The following THEMIS variants were observed in gnomAD, a reference collection of about 807,000 sequenced individuals.
THEMIS encodes thymocyte selection associated, also known as protein THEMIS.
THEMIS carries 37 observed loss-of-function variants against 52.6 expected under a neutral mutation model. The observed-to-expected ratio is 0.70, with a 90% CI of 0.54 to 0.93. THEMIS has a LOEUF of 0.93. Ranked by LOEUF, THEMIS falls within the 40% of genes least tolerant of loss-of-function variation. The pLI, the probability that THEMIS is intolerant of heterozygous loss-of-function variation, is 0.00. For missense variants in THEMIS, 808 were observed against 763.1 expected (o/e 1.06, Z -0.69); for synonymous variants, 292 against 272.7 (o/e 1.07, Z -0.70).
At chr6:127,841,851 G>T (rs1005208160) in intron 2 of THEMIS, among the ~76,000 whole-genome samples, 25 of 152,136 alleles carry the variant, frequency 1.6e-4, no homozygotes, top group African/African-American at 3.4e-4. Context: ...AAAAGATGTT[G>T]TAAGGTAGAC....
At chr6:127,870,056 C>T (rs1196862493) in intron 1 of THEMIS, among the ~76,000 whole-genome samples, 1 of 152,102 alleles carries the variant, frequency 6.6e-6, no homozygotes, top group Non-Finnish European at 1.5e-5. Context: ...ATAACAGTTC[C>T]CCAACCCCTG....
chr6:127,719,618 G>T, intron 5 of THEMIS, 70 bp downstream of exon 5: 1 of 1,382,546 alleles, frequency 7.2e-7, no homozygotes, highest in Non-Finnish European at 9.9e-7. Context: ...GTAAGAATCT[G>T]TCCATTGCAC....
At chr6:127,853,099 T>A (rs1779486808) in intron 2 of THEMIS, among the ~76,000 whole-genome samples, 1 of 151,624 alleles carries the variant, frequency 6.6e-6, no homozygotes, top group South Asian at 2.1e-4. Context: ...TTTTTCTAAA[T>A]ACCATGGGGA....
intron 4 of THEMIS, among the ~76,000 whole-genome samples, chr6:127,799,485 G>A (rs1219382695): frequency 6.6e-6 from 1 of 152,140 alleles, no homozygotes; most frequent in Non-Finnish European, 1.5e-5. Flanking sequence ...CATTTGCAAA[G>A]ATAAGAAATG....
chr6:127,868,251 C>T (rs1040965536), intron 1 of THEMIS, among the ~76,000 whole-genome samples: 5 of 152,096 alleles, frequency 3.3e-5, no homozygotes, highest in African/African-American at 1.2e-4. Flanking sequence ...TATTATTTTA[C>T]ATGATGTTTA....
intron 1 of THEMIS, among the ~76,000 whole-genome samples, chr6:127,911,164 T>C (rs1426470335): frequency 6.6e-6 from 1 of 151,244 alleles, no homozygotes; most frequent in African/African-American, 2.5e-5. Context: ...ACTAAGGTAG[T>C]GTTTGCCAAG....
chr6:127,845,303 A>T (rs907177049), intron 2 of THEMIS, among the ~76,000 whole-genome samples: 1 of 151,956 alleles, frequency 6.6e-6, no homozygotes, highest in Non-Finnish European at 1.5e-5. Context: ...TTGAGGATAT[A>T]TGAGTTTACA....
intron 4 of THEMIS, among the ~76,000 whole-genome samples, chr6:127,756,134 A>C (rs1269914001): frequency 6.6e-6 from 1 of 152,214 alleles, no homozygotes; most frequent in Non-Finnish European, 1.5e-5. Context: ...TCTACATGTA[A>C]AAGTATTGGT....
intron 4 of THEMIS, among the ~76,000 whole-genome samples, chr6:127,762,665 C>G (rs547104082): frequency 6.6e-6 from 1 of 152,124 alleles, no homozygotes; most frequent in East Asian, 1.9e-4. Flanking sequence ...CATTCCCTGG[C>G]CACTCTAATT....
intron 2 of THEMIS, among the ~76,000 whole-genome samples, chr6:127,851,608 C>T (rs541937283): frequency 8.6e-5 from 13 of 151,818 alleles, no homozygotes; most frequent in African/African-American, 3.1e-4. Context: ...GAATACATGC[C>T]ATCAGGGCAT....
intron 1 of THEMIS, among the ~76,000 whole-genome samples, chr6:127,861,310 T>C (rs1185830201): frequency 6.6e-6 from 1 of 152,194 alleles, no homozygotes; most frequent in Non-Finnish European, 1.5e-5. Context: ...TTGTTCTCTA[T>C]TTCCATTTAA....
intron 4 of THEMIS, among the ~76,000 whole-genome samples, chr6:127,733,117 T>C (rs1225119206): frequency 6.6e-6 from 1 of 152,234 alleles, no homozygotes; most frequent in Non-Finnish European, 1.5e-5. Context: ...TATTGCTCAT[T>C]GGAAGTACTT....
At chr6:127,796,762 A>T (rs1777342916) in intron 4 of THEMIS, among the ~76,000 whole-genome samples, 1 of 152,220 alleles carries the variant, frequency 6.6e-6, no homozygotes, top group African/African-American at 2.4e-5. Context: ...GTATATACCC[A>T]TGTTTGGTAT....
intron 4 of THEMIS, among the ~76,000 whole-genome samples, chr6:127,745,551 T>C (rs1352157862): frequency 6.6e-6 from 1 of 151,838 alleles, no homozygotes; most frequent in Admixed American, 6.6e-5. Flanking sequence ...ATCAACATAA[T>C]ATATTGGTAT....
At chr6:127,885,777 A>G (rs1780626763) in intron 1 of THEMIS, among the ~76,000 whole-genome samples, 1 of 152,170 alleles carries the variant, frequency 6.6e-6, no homozygotes, top group Non-Finnish European at 1.5e-5. Context: ...TTTGAGCATC[A>G]TACTTTTGGG....
chr6:127,891,553 A>G (rs989109198), intron 1 of THEMIS, among the ~76,000 whole-genome samples: 42 of 117,888 alleles, frequency 3.6e-4, no homozygotes, highest in East Asian at 1.4e-3. Flanking sequence ...AAAAAAAAAA[A>G]AAAGAAAGAA....
intron 1 of THEMIS, among the ~76,000 whole-genome samples, chr6:127,887,644 A>G (rs1780686190): frequency 6.6e-6 from 1 of 152,180 alleles, no homozygotes; most frequent in African/African-American, 2.4e-5. Context: ...TGAAATGTCT[A>G]TAGAAGGCAA....
At chr6:127,835,357 A>C (rs1476927218) in intron 2 of THEMIS, among the ~76,000 whole-genome samples, 4 of 152,142 alleles carry the variant, frequency 2.6e-5, no homozygotes, top group Non-Finnish European at 5.9e-5. Context: ...CCTGGGTTTT[A>C]ATTCTGGCCT....
chr6:127,737,943 C>T (rs539682911), intron 4 of THEMIS, among the ~76,000 whole-genome samples: 59 of 152,114 alleles, frequency 3.9e-4, no homozygotes, highest in African/African-American at 1.2e-3. Context: ...GGGAAAAGGG[C>T]GGGGCTTTAG....
Sources: gnomAD v4.1 joint callset for allele counts (sites outside exome capture counted in the v4.1 genomes callset) on GRCh38, gnomAD v4.1.1 for gene constraint, MANE v1.5 for transcripts, NCBI Gene and HGNC (gene_info 2026-07-23, HGNC 2026-07-21) for gene names.